Variants in OVAAL observed in about 807,000 individuals in gnomAD.
OVAAL encodes the protein ovarian adenocarcinoma amplified long non-coding RNA.
chr1:180,564,859 C>T (rs80036525), intron 2 of OVAAL, among the ~76,000 whole-genome samples: 4,143 of 152,214 alleles, frequency 0.027, 200 homozygotes, highest in African/African-American at 0.095. Context: ...CCAATTAAAT[C>T]GGGATCTCCA....
intron 1 of OVAAL, among the ~76,000 whole-genome samples, chr1:180,561,728 T>A (rs76486942): frequency 0.17 from 25,499 of 151,906 alleles, 2,215 homozygotes; most frequent in Middle Eastern, 0.21. Context: ...ATTTTTTTTT[T>A]AATTAGAGTT....
At chr1:180,559,262 G>A (rs531109374) in intron 1 of OVAAL, among the ~76,000 whole-genome samples, 1 of 152,288 alleles carries the variant, frequency 6.6e-6, no homozygotes, top group Non-Finnish European at 1.5e-5. Context: ...GGAAAATGTG[G>A]GAAAGTTTGG....
At chr1:180,563,547 G>C (rs1041562542) in intron 2 of OVAAL, among the ~76,000 whole-genome samples, 14 of 152,300 alleles carry the variant, frequency 9.2e-5, no homozygotes, top group African/African-American at 3.1e-4. Context: ...TGAAGGACAA[G>C]TGTGGTTTGA....
chr1:180,560,590 C>G (rs776324337), intron 1 of OVAAL, among the ~76,000 whole-genome samples: 1 of 152,202 alleles, frequency 6.6e-6, no homozygotes, highest in Non-Finnish European at 1.5e-5. Flanking sequence ...TGTCTCTTCT[C>G]TGGCCCAGCA....
chr1:180,562,607 A>G (rs1653224118), intron 2 of OVAAL, among the ~76,000 whole-genome samples: 1 of 152,224 alleles, frequency 6.6e-6, no homozygotes. Context: ...TTGATAACCC[A>G]GAGAAGAAAG....
rs561903507 is a variant in OVAAL at position 180,565,495 on chromosome 1, C to T, written n.758C>T. ...CTTTCTAACAAGCTAGGGAGGATAC[C>T]GTTGACAGCAGCAGAAAGGGGTAGC... On this transcript the variant is annotated non_coding_transcript_exon_variant, in exon 3 of 3. Coordinates refer to ENST00000673955, the Ensembl canonical transcript of OVAAL. 6.6e-5 allele frequency: 10 copies of T among 152,260 alleles called. 1 individual carries two copies. In the South Asian group the frequency reaches 8.3e-4, roughly 13 times the overall value. The allele number at this position is 152,260 out of a possible 1,614,324, so 9.4% of individuals were successfully genotyped here.
chr1:180,558,985 C>A, intron 1 of OVAAL: 1 of 155,130 alleles, frequency 6.4e-6, no homozygotes, highest in South Asian at 2.0e-4. Flanking sequence ...TTGCCACTGC[C>A]ATGTAAGAAG....
chr1:180,561,498 A>T (rs1653198706), intron 1 of OVAAL, among the ~76,000 whole-genome samples: 1 of 152,286 alleles, frequency 6.6e-6, no homozygotes, highest in East Asian at 1.9e-4. Context: ...AGCTCTCAGC[A>T]TCGGGTTATC....
At chr1:180,562,990 TATAG>T (rs1170066808) in intron 2 of OVAAL, among the ~76,000 whole-genome samples, 1 of 152,222 alleles carries the variant, frequency 6.6e-6, no homozygotes, top group Non-Finnish European at 1.5e-5. Flanking sequence ...AGACACCAGC[TATAG>T]ATAAACATGA....
chr1:180,562,609 A>T (rs1383611615), intron 2 of OVAAL, among the ~76,000 whole-genome samples: 2 of 152,224 alleles, frequency 1.3e-5, no homozygotes, highest in African/African-American at 4.8e-5. Flanking sequence ...GATAACCCAG[A>T]GAAGAAAGCC....
chr1:180,559,273 A>G (rs570600922), intron 1 of OVAAL, among the ~76,000 whole-genome samples: 8 of 152,328 alleles, frequency 5.3e-5, no homozygotes, highest in East Asian at 1.9e-4. Flanking sequence ...GAAAGTTTGG[A>G]ACCTCCTAGA....
intron 2 of OVAAL, among the ~76,000 whole-genome samples, chr1:180,565,096 GA>G (rs1653268114): frequency 6.6e-6 from 1 of 152,188 alleles, no homozygotes; most frequent in Non-Finnish European, 1.5e-5. Flanking sequence ...GATTTGCCCG[GA>G]AGGGTTCCTT....
At chr1:180,563,852 G>A (rs534989499) in intron 2 of OVAAL, among the ~76,000 whole-genome samples, 83 of 152,194 alleles carry the variant, frequency 5.5e-4, no homozygotes, top group Non-Finnish European at 1.0e-3. Flanking sequence ...CCAGTTTCAG[G>A]TTTCTTCTAT....
At chr1:180,566,407 T>C (rs1376309162) in exon 3 of OVAAL, 2 of 152,246 alleles carry the variant, frequency 1.3e-5, no homozygotes, top group Admixed American at 6.5e-5. Flanking sequence ...TACCAGTCAG[T>C]GTTTTCTTGT....
At chr1:180,559,305 A>C (rs1316123887) in intron 1 of OVAAL, among the ~76,000 whole-genome samples, 1 of 152,188 alleles carries the variant, frequency 6.6e-6, no homozygotes, top group Non-Finnish European at 1.5e-5. Context: ...TGACTGATAA[A>C]AATGCTGATA....
intron 2 of OVAAL, among the ~76,000 whole-genome samples, chr1:180,563,660 G>T (rs1279205909): frequency 6.6e-6 from 1 of 152,196 alleles, no homozygotes; most frequent in East Asian, 1.9e-4. Context: ...CACTTGGGAG[G>T]TGAGCATGCG....
At chr1:180,562,988 G>A (rs528057667) in intron 2 of OVAAL, among the ~76,000 whole-genome samples, 41 of 152,296 alleles carry the variant, frequency 2.7e-4, no homozygotes, top group Admixed American at 2.2e-3. Flanking sequence ...AAAGACACCA[G>A]CTATAGATAA....
intron 2 of OVAAL, chr1:180,565,206 G>A (rs557808185): frequency 5.9e-5 from 9 of 153,124 alleles, no homozygotes; most frequent in African/African-American, 2.2e-4. Flanking sequence ...GGCTTTCCTT[G>A]TCTCCTCCTT....
At chr1:180,560,329 T>C (rs1013835285) in intron 1 of OVAAL, among the ~76,000 whole-genome samples, 25 of 152,090 alleles carry the variant, frequency 1.6e-4, no homozygotes, top group African/African-American at 5.6e-4. Flanking sequence ...ATATAAGAAC[T>C]GTGTATCTCT....
Sources: allele counts gnomAD v4.1 joint callset (sites outside exome capture counted in the v4.1 genomes callset), GRCh38; gene constraint gnomAD v4.1.1; transcripts MANE v1.5; gene names NCBI Gene and HGNC (gene_info 2026-07-23, HGNC 2026-07-21).